MOB1B: variants seen among roughly 807,000 people sequenced by gnomAD.
The protein encoded by MOB1B is MOB kinase activator 1B, also known as MOB1 Mps One Binder homolog B.
In MOB1B, 19 loss-of-function variants were observed where a neutral mutation model predicts 24.4. The ratio of observed to expected loss-of-function variants is 0.78; its 90% CI spans 0.54 to 1.14. The LOEUF is 1.14. MOB1B is among the 50% of genes most tolerant of loss of function. MOB1B has a pLI of 0.00. For missense variants in MOB1B, 243 were observed against 259.6 expected (o/e 0.94, Z 0.44); for synonymous variants, 76 against 82.1 (o/e 0.93, Z 0.40).
At chr4:70,960,770 G>A (rs1738272954) in intron 2 of MOB1B, among the ~76,000 whole-genome samples, 1 of 152,222 alleles carries the variant, frequency 6.6e-6, no homozygotes, top group Non-Finnish European at 1.5e-5. Context: ...TATTCAGAAT[G>A]AATCTCCAAT....
intron 1 of MOB1B, among the ~76,000 whole-genome samples, chr4:70,910,382 T>C (rs1735931591): frequency 6.6e-6 from 1 of 151,972 alleles, no homozygotes; most frequent in Non-Finnish European, 1.5e-5. Context: ...CAAAATTATA[T>C]CTATATATAG....
intron 1 of MOB1B, among the ~76,000 whole-genome samples, chr4:70,938,334 CAAA>C (rs71211984): frequency 7.7e-3 from 48 of 6,264 alleles, no homozygotes; most frequent in African/African-American, 0.017. Context: ...CCCCCCCCCC[CAAA>C]AAAAAAAAAA....
intron 3 of MOB1B, among the ~76,000 whole-genome samples, chr4:70,972,143 A>G (rs1386365845): frequency 1.3e-5 from 2 of 152,134 alleles, no homozygotes; most frequent in Non-Finnish European, 2.9e-5. Flanking sequence ...TACTTAATAA[A>G]TGCTAAGCCC....
At chr4:70,970,138 G>C (rs773951972) in intron 3 of MOB1B, 114 bp downstream of exon 3, 3 of 617,590 alleles carry the variant, frequency 4.9e-6, no homozygotes, top group Non-Finnish European at 5.6e-6. Context: ...TCTGAGGTTT[G>C]CCAGTGACTA....
At position 70,941,199 on chromosome 4, in the gene MOB1B, G is replaced by A. The variant is rs1344525625; in HGVS notation, c.15-17675G>A. On this transcript the variant is annotated intron_variant, in intron 1 of 5. Transcript: ENST00000309395. ...TTCTTTTCTATGCCATACACACACAGTAGTAGTGGCTGTTTCTTAACAGGT... is the reference window on the plus strand; with the variant it reads ...TTCTTTTCTATGCCATACACACACAATAGTAGTGGCTGTTTCTTAACAGGT... 2.0e-5 allele frequency among the ~76,000 whole-genome samples: 3 copies of A among 149,704 alleles called. No homozygotes were observed. The Admixed American group carries it at 2.0e-4, about 10-fold the overall frequency.
chr4:70,943,478 ATC>A (rs1185726334), intron 1 of MOB1B, among the ~76,000 whole-genome samples: 1 of 152,220 alleles, frequency 6.6e-6, no homozygotes, highest in African/African-American at 2.4e-5. Context: ...ATGAATAATC[ATC>A]TGACATAAAA....
intron 2 of MOB1B, among the ~76,000 whole-genome samples, chr4:70,962,226 A>T (rs928315387): frequency 6.6e-6 from 1 of 152,162 alleles, no homozygotes. Context: ...CCTACCAAGG[A>T]CTCTTGCATT....
At chr4:70,915,971 A>G (rs894192654) in intron 1 of MOB1B, among the ~76,000 whole-genome samples, 2 of 152,030 alleles carry the variant, frequency 1.3e-5, no homozygotes, top group Admixed American at 6.6e-5. Context: ...GGGGCTTCAG[A>G]GGGTGGGTAC....
At chr4:70,955,694 C>T (rs1578385532) in intron 1 of MOB1B, among the ~76,000 whole-genome samples, 1 of 151,850 alleles carries the variant, frequency 6.6e-6, no homozygotes, top group Admixed American at 6.6e-5. Flanking sequence ...TGTTCTTGAA[C>T]TCCCAACCTC....
intron 2 of MOB1B, among the ~76,000 whole-genome samples, chr4:70,968,353 C>G (rs532752244): frequency 2.6e-5 from 4 of 152,192 alleles, no homozygotes; most frequent in Admixed American, 2.6e-4. Flanking sequence ...CTCTTGTTGC[C>G]TAGGCTGGAG....
intron 1 of MOB1B, among the ~76,000 whole-genome samples, chr4:70,915,066 A>T (rs1288850007): frequency 6.6e-6 from 1 of 152,228 alleles, no homozygotes; most frequent in Non-Finnish European, 1.5e-5. Context: ...CGACAGTGAT[A>T]CTTCGGTTAT....
At chr4:70,914,872 T>TGGGCC (rs764098007) in intron 1 of MOB1B, among the ~76,000 whole-genome samples, 15 of 152,216 alleles carry the variant, frequency 9.9e-5, no homozygotes, top group Non-Finnish European at 5.9e-5. Context: ...TGGGGCTGTG[T>TGGGCC]GGGCCCCTCC....
At chr4:70,903,433 G>C (rs148759373) in intron 1 of MOB1B, among the ~76,000 whole-genome samples, 2 of 152,290 alleles carry the variant, frequency 1.3e-5, no homozygotes, top group Admixed American at 1.3e-4. Flanking sequence ...GGCCAGATGT[G>C]GATATGGAGG....
At chr4:70,937,023 T>C (rs1160147732) in intron 1 of MOB1B, among the ~76,000 whole-genome samples, 1 of 152,066 alleles carries the variant, frequency 6.6e-6, no homozygotes, top group African/African-American at 2.4e-5. Context: ...TTCAAGCTAT[T>C]CTCCTGCCTC....
At chr4:70,981,137 A>G (rs913828669) in intron 5 of MOB1B, among the ~76,000 whole-genome samples, 1 of 152,220 alleles carries the variant, frequency 6.6e-6, no homozygotes, top group Non-Finnish European at 1.5e-5. Flanking sequence ...TAATTTAGTC[A>G]TATGATATAT....
chr4:70,928,945 T>C (rs1736765119), intron 1 of MOB1B, among the ~76,000 whole-genome samples: 1 of 152,144 alleles, frequency 6.6e-6, no homozygotes, highest in Admixed American at 6.5e-5. Context: ...AGGATTGTCA[T>C]ATACCAGGCA....
intron 1 of MOB1B, among the ~76,000 whole-genome samples, chr4:70,955,488 G>A (rs1435630245): frequency 1.1e-5 from 1 of 94,748 alleles, no homozygotes; most frequent in Non-Finnish European, 2.1e-5. Flanking sequence ...TTTTTTTTTG[G>A]GAGACGATGT....
In MOB1B at chr4:70,902,403, C is replaced by T. The variant is rs1735543456; in HGVS notation, c.-134C>T. 2.1e-6 allele frequency: 2 copies of T among 951,928 alleles called. No individual in the cohort carries two copies. Among genetic ancestry groups the T allele is most frequent in the East Asian group, 2.6e-5 (1 of 37,796 alleles). The allele number at this position is 951,928 out of a possible 1,614,324, so 59.0% of individuals were successfully genotyped here. ...AGCTGAGCCGAACTAGTTGCGGCCACCGAGCAGCCGGCTCTCGGCACCTCC... is the reference window on the plus strand; with the variant it reads ...AGCTGAGCCGAACTAGTTGCGGCCATCGAGCAGCCGGCTCTCGGCACCTCC... On this transcript the variant is annotated 5_prime_UTR_variant, in exon 1 of 6. Transcript: ENST00000309395.
chr4:70,938,402 G>A (rs1377416867), intron 1 of MOB1B, among the ~76,000 whole-genome samples: 1 of 139,490 alleles, frequency 7.2e-6, no homozygotes, highest in Non-Finnish European at 1.5e-5. Flanking sequence ...AAGGTTTCTG[G>A]TTAGGGGAAT....
Sources: gnomAD v4.1 joint callset for allele counts (sites outside exome capture counted in the v4.1 genomes callset) on GRCh38, gnomAD v4.1.1 for gene constraint, MANE v1.5 for transcripts, NCBI Gene and HGNC (gene_info 2026-07-23, HGNC 2026-07-21) for gene names.